PIP4K2A: variants seen among roughly 807,000 people sequenced by gnomAD.
PIP4K2A encodes the protein phosphatidylinositol 5-phosphate 4-kinase type-2 alpha.
PIP4K2A carries 14 observed loss-of-function variants against 42.9 expected under a neutral mutation model. The observed-to-expected ratio is 0.33, with a 90% confidence interval of 0.22 to 0.51. The LOEUF is 0.51. Ranked by LOEUF, PIP4K2A falls within the 20% of genes least tolerant of loss-of-function variation. PIP4K2A has a pLI of 0.97. For missense variants in PIP4K2A, 434 were observed against 519.8 expected (o/e 0.83, Z 1.61); for synonymous variants, 192 against 192.2 (o/e 1.00, Z 0.01).
intron 1 of PIP4K2A, among the ~76,000 whole-genome samples, chr10:22,708,838 C>T (rs181632111): frequency 1.2e-4 from 19 of 152,354 alleles, no homozygotes; most frequent in Admixed American, 1.2e-3. Flanking sequence ...AGCTACAGTA[C>T]ACTGTACAAC....
chr10:22,697,761 C>A (rs1228301054), intron 1 of PIP4K2A, among the ~76,000 whole-genome samples: 1 of 151,514 alleles, frequency 6.6e-6, no homozygotes, highest in Admixed American at 6.6e-5. Context: ...CACACATACA[C>A]ACACACACAC....
chr10:22,676,141 C>A (rs1174979687), intron 1 of PIP4K2A, among the ~76,000 whole-genome samples: 2 of 152,046 alleles, frequency 1.3e-5, no homozygotes, highest in African/African-American at 4.8e-5. Context: ...TTTGAAGTGT[C>A]TGTTTCCATT....
At chr10:22,594,141 CAT>C (rs886106944) in intron 3 of PIP4K2A, among the ~76,000 whole-genome samples, 2 of 152,148 alleles carry the variant, frequency 1.3e-5, no homozygotes, top group Non-Finnish European at 2.9e-5. Context: ...GCAGACCACA[CAT>C]GAGAACCAAG....
At chr10:22,664,120 TATATATATAC>T (rs1332192980) in intron 1 of PIP4K2A, among the ~76,000 whole-genome samples, 8 of 69,626 alleles carry the variant, frequency 1.1e-4, no homozygotes, top group African/African-American at 1.0e-3. Context: ...TATATACATA[TATATATATAC>T]ATATATATAT....
chr10:22,652,113 T>C (rs920277475), intron 1 of PIP4K2A, among the ~76,000 whole-genome samples: 1 of 146,968 alleles, frequency 6.8e-6, no homozygotes, highest in South Asian at 2.2e-4. Flanking sequence ...ACTGAAAAAC[T>C]GCACACAAAT....
chr10:22,568,803 C>T (rs546558052), intron 5 of PIP4K2A, among the ~76,000 whole-genome samples: 4 of 152,294 alleles, frequency 2.6e-5, no homozygotes, highest in South Asian at 4.1e-4. Context: ...ATGACAATCA[C>T]GGTGTCTCAT....
At chr10:22,661,349 C>T (rs1464736519) in intron 1 of PIP4K2A, among the ~76,000 whole-genome samples, 33 of 99,812 alleles carry the variant, frequency 3.3e-4, no homozygotes, top group African/African-American at 1.2e-3. Context: ...ATGATGCTGC[C>T]TTTTTTTTTT....
intron 1 of PIP4K2A, among the ~76,000 whole-genome samples, chr10:22,654,400 T>C (rs1476012747): frequency 6.6e-6 from 1 of 152,136 alleles, no homozygotes; most frequent in Non-Finnish European, 1.5e-5. Flanking sequence ...TAAAAATAGA[T>C]ACTCAGAGTG....
In PIP4K2A at chr10:22,539,914, A is replaced by AGAGAGAGAGAGAGAGG. The variant is rs1836056537; in HGVS notation, c.1140+56_1140+57insCCTCTCTCTCTCTCTC. The AGAGAGAGAGAGAGAGG allele has an allele frequency of 3.2e-5, 15 of 463,328 alleles. No individual in the cohort carries two copies. The East Asian group carries it at 5.8e-4, about 18-fold the overall frequency. The allele number at this position is 463,328 out of a possible 1,614,324, so 28.7% of individuals were successfully genotyped here. On this transcript the variant is annotated intron_variant, in intron 9 of 9. Coordinates refer to ENST00000376573, the MANE Select transcript of PIP4K2A (RefSeq NM_005028.5). ...GAGAGAGAGAGAGAGAGAGAGAGGGAGAGAGAGAGAGAGAGAGGGAGAGAA... is the reference window on the plus strand; with the variant it reads ...GAGAGAGAGAGAGAGAGAGAGAGGGAGAGAGAGAGAGAGAGGGAGAGAGAGAGAGAGAGGGAGAGAA...
At chr10:22,655,603 T>C (rs1170895913) in intron 1 of PIP4K2A, among the ~76,000 whole-genome samples, 1 of 152,246 alleles carries the variant, frequency 6.6e-6, no homozygotes, top group African/African-American at 2.4e-5. Context: ...TGTTTGCAGA[T>C]GGCTGAACTC....
intron 4 of PIP4K2A, among the ~76,000 whole-genome samples, chr10:22,586,199 A>G (rs1564431827): frequency 6.6e-6 from 1 of 152,248 alleles, no homozygotes; most frequent in Non-Finnish European, 1.5e-5. Flanking sequence ...AACAAAATTT[A>G]TGAAAGTTTG....
At position 22,543,175 on chromosome 10, in the gene PIP4K2A, G is replaced by A. The variant is rs373245607; in HGVS notation, c.793-1128C>T. Among the ~76,000 whole-genome samples the A allele has an allele frequency of 5.3e-5, 8 of 152,298 alleles. No individual in the cohort carries two copies. The South Asian group carries it at 1.5e-3, about 28-fold the overall frequency. ...GCCTGCTGGGAAGGAGTTCTGTCTC[G>A]AAACTGAATGAGAAGCCCCGATTCC... On this transcript the variant is annotated intron_variant, in intron 7 of 9. Transcript: ENST00000376573.
At position 22,591,765 on chromosome 10, in the gene PIP4K2A, C is replaced by T. The variant is rs371897011; in HGVS notation, c.356G>A (p.Ser119Asn). 3.7e-6 allele frequency: 6 copies of T among 1,611,010 alleles called. No individual in the cohort carries two copies. The highest frequency in any genetic ancestry group is 1.3e-5 in the African/African-American group (1 of 74,832). The change falls in exon 4 of 10, where the codon AGC becomes AAC. Residue 119 changes from serine (S) to asparagine (N), a missense_variant. Ser to Asn is a conservative substitution (Grantham distance 46). Transcript: ENST00000376573. ...CTGGGAGTCGTTGGGGAGGGGTGCG[C>T]TCCTGGTCAGGGAATTCTTCCCGGG... Reference protein sequence around the residue: ...DQDFQNSLTRSAPLPNDSQAR... With the variant: ...DQDFQNSLTRNAPLPNDSQAR...
chr10:22,655,027 G>T (rs1168753928), intron 1 of PIP4K2A, among the ~76,000 whole-genome samples: 1 of 152,074 alleles, frequency 6.6e-6, no homozygotes, highest in Non-Finnish European at 1.5e-5. Flanking sequence ...ACCACCTGGG[G>T]CCAGGAGTTT....
intron 4 of PIP4K2A, among the ~76,000 whole-genome samples, chr10:22,587,813 C>T (rs185652138): frequency 3.3e-5 from 5 of 152,238 alleles, no homozygotes; most frequent in African/African-American, 1.2e-4. Context: ...ACAGCATTTA[C>T]TAAATGTAAA....
At chr10:22,706,670 T>C (rs1399506667) in intron 1 of PIP4K2A, among the ~76,000 whole-genome samples, 1 of 152,208 alleles carries the variant, frequency 6.6e-6, no homozygotes, top group Non-Finnish European at 1.5e-5. Flanking sequence ...TCTTGCAGTG[T>C]CTCCATATTT....
chr10:22,621,413 T>C (rs921294419), intron 1 of PIP4K2A, among the ~76,000 whole-genome samples: 1 of 152,266 alleles, frequency 6.6e-6, no homozygotes, highest in Non-Finnish European at 1.5e-5. Context: ...TAGTCAGATA[T>C]TTAATATGCT....
At chr10:22,581,046 T>C (rs1384641776) in intron 4 of PIP4K2A, among the ~76,000 whole-genome samples, 1 of 152,204 alleles carries the variant, frequency 6.6e-6, no homozygotes, top group African/African-American at 2.4e-5. Context: ...GCTCAGAAAT[T>C]AAGAGCACAC....
chr10:22,555,422 T>C (rs564587237), intron 6 of PIP4K2A, among the ~76,000 whole-genome samples: 2 of 152,366 alleles, frequency 1.3e-5, no homozygotes, highest in Admixed American at 1.3e-4. Flanking sequence ...CAAACGTCGT[T>C]ATATGCTAAT....
Sources: gnomAD v4.1 joint callset for allele counts (sites outside exome capture counted in the v4.1 genomes callset) on GRCh38, gnomAD v4.1.1 for gene constraint, MANE v1.5 for transcripts, NCBI Gene and HGNC (gene_info 2026-07-23, HGNC 2026-07-21) for gene names.